COL5A1: variants seen among roughly 807,000 people sequenced by gnomAD.
COL5A1 encodes collagen alpha-1(V) chain.
A neutral mutation model predicts 263.7 loss-of-function variants in COL5A1; 16 were observed. That is an observed-to-expected ratio of 0.06 (90% CI 0.04 to 0.09). The LOEUF is 0.09. Ranked by LOEUF, COL5A1 falls within the 10% of genes least tolerant of loss-of-function variation. The pLI is 1.00. For synonymous variants in COL5A1, 1,012 were observed against 1,004.5 expected, an observed-to-expected ratio of 1.01 and a Z score of -0.14; for missense variants, 2,036 against 2,540.5, an observed-to-expected ratio of 0.80 and a Z score of 4.27.
chr9:134,731,761 CG>C (rs1475165094), intron 8 of COL5A1, 98 bp downstream of exon 8: 4 of 1,323,420 alleles, frequency 3.0e-6, no homozygotes, highest in Non-Finnish European at 4.1e-6. Context: ...TGGGCCTCTA[CG>C]GGCAGCTCAA....
At chr9:134,760,108 T>TCATACATGCACACACACG (rs1836270325) in intron 18 of COL5A1, among the ~76,000 whole-genome samples, 1 of 54,720 alleles carries the variant, frequency 1.8e-5, no homozygotes, top group African/African-American at 7.6e-5. Context: ...ACCCCCACAC[T>TCATACATGCACACACACG]CATACACGCC....
chr9:134,812,436 T>G lies in COL5A1; in HGVS notation c.3691-13T>G. 6.2e-7 allele frequency: 1 copy of G among 1,613,890 alleles called. No homozygotes were observed. Among genetic ancestry groups the G allele is most frequent in the Non-Finnish European group, 8.5e-7 (1 of 1,179,902 alleles). ...ACAGAACAGCGCTTAACTGGGAAGT[T>G]TCCTGTTCTCAGGGTTTGCCAGGAC... On this transcript the variant is annotated splice_polypyrimidine_tract_variant and intron_variant, in intron 46 of 65. Transcript: ENST00000371817.
chr9:134,738,794 G>T lies in COL5A1; in HGVS notation c.1480G>T (p.Asp494Tyr), dbSNP rs779897281. The change falls in exon 11 of 66, where the codon GAC becomes TAC. Residue 494 changes from aspartate to tyrosine, a missense_variant. By Grantham distance (160) the Asp-to-Tyr change is radical. Transcript: ENST00000371817. Reference protein sequence around the residue: ...GTMGPTGQVGDPGERGPPGRP... With the variant: ...GTMGPTGQVGYPGERGPPGRP... Reference sequence around the variant, plus strand: ...CATGGGTCCCACTGGCCAAGTCGGGGACCCTGGAGAAAGGGTAAGAGGTTG... The same window carrying T: ...CATGGGTCCCACTGGCCAAGTCGGGTACCCTGGAGAAAGGGTAAGAGGTTG... The T allele has an allele frequency of 6.2e-7, 1 of 1,613,712 alleles. No homozygotes were observed. The highest frequency in any genetic ancestry group is 8.5e-7 in the Non-Finnish European group (1 of 1,179,646).
chr9:134,681,177 G>C lies in COL5A1; in HGVS notation c.110-9735G>C, dbSNP rs753950162. On this transcript the variant is annotated intron_variant, in intron 1 of 65. Transcript: ENST00000371817. This position sits in a 1 kb window ranked among gnomAD's most constrained non-coding sequence, Gnocchi z 4.3. The stretch of plus-strand genomic sequence containing the variant: ...GCCTTGCAGGGAGGGCTGGGGTGGG[G>C]GGGCCTCAGCCCTGGGCCAGACCCT... Among the ~76,000 whole-genome samples the C allele has an allele frequency of 5.7e-4, 86 of 152,188 alleles. No individual in the cohort carries two copies. Among genetic ancestry groups the C allele is most frequent in the Non-Finnish European group, 1.2e-3 (80 of 68,032 alleles).
At chr9:134,836,811 C>G (rs895549132) in intron 65 of COL5A1, among the ~76,000 whole-genome samples, 5 of 152,248 alleles carry the variant, frequency 3.3e-5, no homozygotes, top group African/African-American at 1.2e-4. Flanking sequence ...GCGGCCAGGC[C>G]GTGCTCAGCG....
intron 65 of COL5A1, among the ~76,000 whole-genome samples, chr9:134,838,925 G>T (rs1169836560): frequency 6.6e-6 from 1 of 152,198 alleles, no homozygotes; most frequent in Non-Finnish European, 1.5e-5. Flanking sequence ...CAGGGACGCT[G>T]GCCCGGACTC....
At position 134,731,752 on chromosome 9, in the gene COL5A1, G is replaced by A. The variant is rs560851189; in HGVS notation, c.1332+89G>A. 1.1e-4 allele frequency: 150 copies of A among 1,394,422 alleles called. No individual in the cohort carries two copies. The African/African-American group carries it at 1.6e-3, about 15-fold the overall frequency. The allele number at this position is 1,394,422 out of a possible 1,614,324, so 86.4% of individuals were successfully genotyped here. ...CCTGCCCAAGAGCCTCCTCAGGGGT[G>A]GGCCTCTACGGGCAGCTCAAGTGTT... On this transcript the variant is annotated intron_variant, in intron 8 of 65. Coordinates refer to ENST00000371817, the MANE Select transcript of COL5A1 (RefSeq NM_000093.5).
chr9:134,755,349 A>T lies in COL5A1; in HGVS notation c.1827+1023A>T, dbSNP rs1835928667. Among the ~76,000 whole-genome samples, 1 of 152,236 alleles carries T rather than the reference A, an allele frequency of 6.6e-6. No individual in the cohort carries two copies. Among genetic ancestry groups the T allele is most frequent in the Admixed American group, 6.5e-5 (1 of 15,286 alleles). ...GAACTGGTTTCCTAGAGTGAGGTTA[A>T]AAACTGGAACAAGAGGAGACTCGGG... is the stretch of plus-strand genomic sequence containing the variant. On this transcript the variant is annotated intron_variant, in intron 16 of 65. Coordinates refer to ENST00000371817, the MANE Select transcript of COL5A1 (RefSeq NM_000093.5). This position sits in a 1 kb window ranked among gnomAD's most constrained non-coding sequence, Gnocchi z 4.1.
chr9:134,728,807 G>C lies in COL5A1; in HGVS notation c.924G>C (p.Glu308Asp), dbSNP rs781343100. 1.2e-6 allele frequency: 2 copies of C among 1,614,018 alleles called. No individual in the cohort carries two copies. Among genetic ancestry groups the C allele is most frequent in the African/African-American group, 2.7e-5 (2 of 74,946 alleles). ...CCAAAGAAACCACAGAGGTCCCCGAGGTCTGGGCTGAGCGGGGGACTGGGT... is the reference window on the plus strand; with the variant it reads ...CCAAAGAAACCACAGAGGTCCCCGACGTCTGGGCTGAGCGGGGGACTGGGT... ...EAAKETTEVP[E>D]ELTPTPTEAA... is the part of the protein sequence containing the mutation. The change falls in exon 6 of 66, where the codon GAG becomes GAC. Residue 308 changes from glutamate (E) to aspartate (D), a missense_variant and splice_region_variant. Physicochemically the swap from Glu to Asp is conservative, Grantham distance 45. Transcript: ENST00000371817.
chr9:134,763,031 G>A (rs1286882591), intron 19 of COL5A1, among the ~76,000 whole-genome samples: 1 of 152,110 alleles, frequency 6.6e-6, no homozygotes, highest in Non-Finnish European at 1.5e-5. Context: ...TGCACAGGGT[G>A]TATGTGTGTG....
chr9:134,658,466 C>T (rs1025966628), intron 1 of COL5A1, among the ~76,000 whole-genome samples: 5 of 152,196 alleles, frequency 3.3e-5, no homozygotes, highest in Admixed American at 6.5e-5. Context: ...CCTGCACGTC[C>T]CCCCGCCCCT....
Position 134,728,689 on chromosome 9 carries a change from A to G in COL5A1, c.806A>G (p.Glu269Gly), listed in dbSNP as rs1834748514. 1 of 1,614,040 alleles carries G rather than the reference A, an allele frequency of 6.2e-7. No individual in the cohort carries two copies. Among genetic ancestry groups the G allele is most frequent in the South Asian group, 1.1e-5 (1 of 91,084 alleles). Residue 269 changes from glutamate (E) to glycine (G), a missense_variant, in exon 6 of 66, where the codon GAG (glutamate) becomes GGG (glycine). Physicochemically the swap from Glu to Gly is moderately conservative, Grantham distance 98. Transcript: ENST00000371817. ...PDEYYTEGDG[E>G]GETYYYEYPY... is the part of the protein sequence containing the mutation. ...TTTCAGTACACGGAAGGAGACGGCG[A>G]GGGTGAGACCTATTACTACGAATAC...
At chr9:134,825,732 ACCAT>A in intron 62 of COL5A1, 56 bp from the exon 63 acceptor site, 1 of 1,147,514 alleles carries the variant, frequency 8.7e-7, no homozygotes, top group Non-Finnish European at 1.3e-6. Flanking sequence ...GGCTTCCGGA[ACCAT>A]CCAGGGAGCA....
At position 134,652,975 on chromosome 9, in the gene COL5A1, G is replaced by T; in HGVS notation, c.109+10679G>T. 1 of 281,816 alleles carries T rather than the reference G, an allele frequency of 3.5e-6. No homozygotes were observed. Among genetic ancestry groups the T allele is most frequent in the Non-Finnish European group, 7.2e-6 (1 of 139,280 alleles). The allele number at this position is 281,816 out of a possible 1,614,324, so 17.5% of individuals were successfully genotyped here. A position where few individuals can be genotyped will look rare whatever the true frequency, so the allele number is the denominator to read the frequency against. ...TGCCACACTTTGCAAACCACGAGTC[G>T]TTCTGCGTCCTCGAGCCCAGGGTCT... On this transcript the variant is annotated intron_variant, in intron 1 of 65. Transcript: ENST00000371817. This position sits in a 1 kb window ranked among gnomAD's most constrained non-coding sequence, Gnocchi z 4.4.
chr9:134,728,793 A>T lies in COL5A1; in HGVS notation c.910A>T (p.Thr304Ser), dbSNP rs879441731. The T allele has an allele frequency of 6.2e-7, 1 of 1,614,032 alleles. No individual in the cohort carries two copies. The highest frequency in any genetic ancestry group is 1.3e-5 in the African/African-American group (1 of 74,940). ...GCCCGTGGAAGCTGCCAAAGAAACCACAGAGGTCCCCGAGGTCTGGGCTGA... is the reference window on the plus strand; with the variant it reads ...GCCCGTGGAAGCTGCCAAAGAAACCTCAGAGGTCCCCGAGGTCTGGGCTGA... ...KKPVEAAKET[T>S]EVPEELTPTP... The change falls in exon 6 of 66, where the codon ACA becomes TCA. Residue 304 changes from threonine (T) to serine (S), a missense_variant. By Grantham distance (58) the Thr-to-Ser change is moderately conservative (BLOSUM62 1). This residue lies in a region of COL5A1 where 600 missense variants were observed against 634.5 expected (regional missense o/e 0.95). Transcript: ENST00000371817.
intron 48 of COL5A1, among the ~76,000 whole-genome samples, chr9:134,813,518 G>A (rs138673634): frequency 2.0e-5 from 3 of 152,316 alleles, no homozygotes; most frequent in Non-Finnish European, 2.9e-5. Flanking sequence ...TCAGAGAGGC[G>A]GTGTTTTCCT....
intron 32 of COL5A1, among the ~76,000 whole-genome samples, chr9:134,793,391 G>A (rs537141883): frequency 3.0e-4 from 46 of 151,724 alleles, no homozygotes; most frequent in African/African-American, 1.0e-3. Context: ...GGCTGGGGGG[G>A]GCATTCTGTT....
intron 4 of COL5A1, among the ~76,000 whole-genome samples, chr9:134,717,297 T>C (rs34002023): frequency 0.18 from 26,968 of 152,218 alleles, 2,621 homozygotes; most frequent in East Asian, 0.4. Context: ...CTGCTGATGA[T>C]GGCACTGTAC....
intron 11 of COL5A1, among the ~76,000 whole-genome samples, chr9:134,746,898 T>C (rs1406540620): frequency 2.6e-5 from 4 of 152,248 alleles, no homozygotes; most frequent in Non-Finnish European, 4.4e-5. Context: ...ACACCTGCCT[T>C]GTCGCAGACA....
Sources: gnomAD v4.1 joint callset for allele counts (sites outside exome capture counted in the v4.1 genomes callset) on GRCh38, gnomAD v4.1.1 for gene constraint, gnomAD v4.1.1 regional missense constraint, Gnocchi (gnomAD v3.1) non-coding constraint, MANE v1.5 for transcripts, NCBI Gene and HGNC (gene_info 2026-07-23, HGNC 2026-07-21) for gene names.